Variants in PCDHGB3 observed in about 807,000 individuals in gnomAD.
The protein encoded by PCDHGB3 is protocadherin gamma subfamily B, 3, also known as protocadherin gamma-B3.
PCDHGB3 carries 40 observed loss-of-function variants against 59.2 expected under a neutral mutation model. The observed-to-expected ratio is 0.68, with a 90% CI of 0.52 to 0.88. The LOEUF (loss-of-function observed/expected upper bound fraction) is 0.88. Ranked by LOEUF, PCDHGB3 falls within the 40% of genes least tolerant of loss-of-function variation. The pLI is 0.00. For synonymous variants in PCDHGB3, 581 were observed against 503.6 expected, an observed-to-expected ratio of 1.15 and a Z score of -2.06; for missense variants, 1,309 against 1,187.9, an observed-to-expected ratio of 1.10 and a Z score of -1.50.
intron 1 of PCDHGB3, chr5:141,478,675 G>A (rs1264846161): frequency 6.4e-7 from 1 of 1,551,574 alleles, no homozygotes; most frequent in South Asian, 1.2e-5. Context: ...ACTTTCAACT[G>A]GCCCTTCCTA....
intron 1 of PCDHGB3, chr5:141,408,907 C>T: frequency 6.2e-7 from 1 of 1,613,244 alleles, no homozygotes; most frequent in East Asian, 2.2e-5. Context: ...TCAAGGATAC[C>T]AATGATAACC....
chr5:141,404,157 A>G (rs746450194), intron 1 of PCDHGB3: 12 of 1,613,094 alleles, frequency 7.4e-6, no homozygotes, highest in Non-Finnish European at 5.9e-6. Flanking sequence ...GAAGATTATT[A>G]CAGATTGTTG....
chr5:141,428,040 G>T, intron 1 of PCDHGB3: 1 of 1,608,668 alleles, frequency 6.2e-7, no homozygotes, highest in Non-Finnish European at 8.5e-7. Flanking sequence ...CGGCTACCTG[G>T]TGACCAAGGT....
chr5:141,405,005 G>C (rs1358521218), intron 1 of PCDHGB3: 7 of 1,613,830 alleles, frequency 4.3e-6, no homozygotes, highest in African/African-American at 2.7e-5. Context: ...TGCAGACCTG[G>C]AGGCCTCAGA....
intron 1 of PCDHGB3, among the ~76,000 whole-genome samples, chr5:141,401,837 A>G (rs1302723544): frequency 6.6e-6 from 1 of 152,198 alleles, no homozygotes; most frequent in Non-Finnish European, 1.5e-5. Context: ...ATTTCTTATA[A>G]TACCACTTAC....
intron 1 of PCDHGB3, chr5:141,389,674 G>T (rs763404625): frequency 1.2e-6 from 2 of 1,612,448 alleles, no homozygotes; most frequent in Admixed American, 3.3e-5. Flanking sequence ...GCAGACTCAG[G>T]ACACAACGCC....
chr5:141,409,129 T>G (rs781711972), intron 1 of PCDHGB3: 5 of 1,613,856 alleles, frequency 3.1e-6, no homozygotes, highest in Non-Finnish European at 4.2e-6. Flanking sequence ...CATTTGATTT[T>G]GAAGATGTAG....
intron 1 of PCDHGB3, chr5:141,392,647 C>A: frequency 1.5e-6 from 1 of 685,816 alleles, no homozygotes; most frequent in Non-Finnish European, 2.3e-6. Flanking sequence ...CTCACGAAGA[C>A]CCGCAGATGC....
chr5:141,423,957 T>G, intron 1 of PCDHGB3: 1 of 1,183,084 alleles, frequency 8.5e-7, no homozygotes, highest in Non-Finnish European at 1.1e-6. Context: ...TTTAGTATTA[T>G]TTTTCTATTA....
At chr5:141,400,904 T>C (rs958521699) in intron 1 of PCDHGB3, among the ~76,000 whole-genome samples, 14 of 152,250 alleles carry the variant, frequency 9.2e-5, no homozygotes, top group African/African-American at 3.4e-4. Context: ...TAATTCATCT[T>C]TTAAAGCAAA....
rs1031624761 is a variant in PCDHGB3 at position 141,433,138 on chromosome 5, G to A, written c.2415+60329G>A. The A allele has an allele frequency of 2.5e-6, 4 of 1,614,038 alleles. No individual in the cohort carries two copies. In the Admixed American group the frequency reaches 6.7e-5, roughly 27 times the overall value. On this transcript the variant is annotated intron_variant, in intron 1 of 3. Coordinates refer to ENST00000576222, the MANE Select transcript of PCDHGB3 (RefSeq NM_018924.5). ...TTGAAAAAAGCGAGCCCCTTTTGCT[G>A]TCAGGTGATTCGGTATTTTCTAAAG...
At chr5:141,445,188 GTATTCTA>G (rs1223900471) in intron 1 of PCDHGB3, among the ~76,000 whole-genome samples, 1 of 152,080 alleles carries the variant, frequency 6.6e-6, no homozygotes, top group Non-Finnish European at 1.5e-5. Context: ...ATGTTTTTAT[GTATTCTA>G]TATGCTTTTG....
In PCDHGB3 at chr5:141,432,512, G is replaced by A. The variant is rs751785850; in HGVS notation, c.2415+59703G>A. ...GCTGGCTCCCCGCTCCGCAGAGCCC[G>A]GCTACCTGGTGACCAAGGTGGTGGC... On this transcript the variant is annotated intron_variant, in intron 1 of 3. Transcript: ENST00000576222. The surrounding 1 kb of genome is among the most constrained non-coding windows in gnomAD (Gnocchi z 6.0). 3 of 1,614,108 alleles carry A rather than the reference G, an allele frequency of 1.9e-6. No homozygotes were observed. Among genetic ancestry groups the A allele is most frequent in the Non-Finnish European group, 2.5e-6 (3 of 1,180,030 alleles).
rs370932300 is a variant in PCDHGB3, at chr5:141,459,955, G to A, written c.2416-34852G>A. Among the ~76,000 whole-genome samples, 15 of 152,316 alleles carry A rather than the reference G, an allele frequency of 9.8e-5. No homozygotes were observed. The East Asian group carries it at 2.3e-3, about 24-fold the overall frequency. The stretch of plus-strand genomic sequence containing the variant: ...TAGCTGGGCGTGATGGCAGGTGCCT[G>A]TAATCCCAGCTACTCAGGAGGCTGA... On this transcript the variant is annotated intron_variant, in intron 1 of 3. Coordinates refer to ENST00000576222, the MANE Select transcript of PCDHGB3 (RefSeq NM_018924.5).
At chr5:141,470,022 G>C (rs892106953) in intron 1 of PCDHGB3, among the ~76,000 whole-genome samples, 2 of 152,070 alleles carry the variant, frequency 1.3e-5, no homozygotes, top group African/African-American at 4.8e-5. Context: ...CCAGCTACTC[G>C]GGATGCTGAG....
Position 141,463,645 on chromosome 5 carries a change from G to T in PCDHGB3, c.2416-31162G>T, listed in dbSNP as rs372962993. ...TTGTATTTTGTTTAGTAGAGACGGG[G>T]TTTCACCGTGTTAGCCAGGATGGTC... On this transcript the variant is annotated intron_variant, in intron 1 of 3. Transcript: ENST00000576222. 7.9e-5 allele frequency among the ~76,000 whole-genome samples: 12 copies of T among 151,840 alleles called. No individual in the cohort carries two copies. In the East Asian group the frequency reaches 2.1e-3, roughly 27 times the overall value.
intron 1 of PCDHGB3, among the ~76,000 whole-genome samples, chr5:141,471,071 C>T (rs1208702673): frequency 7.7e-6 from 1 of 129,696 alleles, no homozygotes; most frequent in Non-Finnish European, 1.6e-5. Context: ...TTTTTTGAGA[C>T]AGGGTCTCCC....
intron 1 of PCDHGB3, chr5:141,409,213 C>A (rs1379007048): frequency 6.2e-7 from 1 of 1,613,994 alleles, no homozygotes; most frequent in East Asian, 2.2e-5. Context: ...TCATAGAAAT[C>A]CTTGATGAAA....
chr5:141,500,309 C>T (rs777434466), intron 2 of PCDHGB3, among the ~76,000 whole-genome samples: 2 of 151,602 alleles, frequency 1.3e-5, no homozygotes, highest in Non-Finnish European at 2.9e-5. Flanking sequence ...CCCAGGTTCA[C>T]GCCATGCTCC....
Sources: allele counts gnomAD v4.1 joint callset (sites outside exome capture counted in the v4.1 genomes callset), GRCh38; gene constraint gnomAD v4.1.1; non-coding constraint Gnocchi (gnomAD v3.1); transcripts MANE v1.5; gene names NCBI Gene and HGNC (gene_info 2026-07-23, HGNC 2026-07-21).